AUTS2: variants seen among roughly 807,000 people sequenced by gnomAD.
The protein encoded by AUTS2 is autism susceptibility gene 2 protein.
In AUTS2, 17 loss-of-function variants were observed where a neutral mutation model predicts 112.4. The ratio of observed to expected loss-of-function variants is 0.15; its 90% CI spans 0.10 to 0.23. The LOEUF (loss-of-function observed/expected upper bound fraction) is 0.23. Ranked by LOEUF, AUTS2 falls within the 10% of genes least tolerant of loss-of-function variation. AUTS2 has a pLI of 1.00. For missense variants in AUTS2, 1,510 were observed against 1,701.6 expected, an observed-to-expected ratio of 0.89 and a Z score of 1.98; for synonymous variants, 751 against 702.7, an observed-to-expected ratio of 1.07 and a Z score of -1.09.
intron 2 of AUTS2, among the ~76,000 whole-genome samples, chr7:70,011,314 T>TCTC (rs1554427051): frequency 9.1e-6 from 1 of 110,492 alleles, no homozygotes; most frequent in African/African-American, 3.6e-5. Flanking sequence ...TCTCCTTTCC[T>TCTC]CTCTCCTCTC....
At chr7:69,715,774 C>T (rs966394350) in intron 1 of AUTS2, among the ~76,000 whole-genome samples, 8 of 152,188 alleles carry the variant, frequency 5.3e-5, no homozygotes, top group Admixed American at 5.2e-4. Flanking sequence ...CTTTCATAAG[C>T]TAGTGGAGTT....
chr7:70,605,838 G>T (rs1172914843), intron 5 of AUTS2, among the ~76,000 whole-genome samples: 22 of 152,164 alleles, frequency 1.4e-4, no homozygotes, highest in Non-Finnish European at 4.4e-5. Flanking sequence ...GATTTTATTA[G>T]AAAGAGAAAT....
intron 6 of AUTS2, among the ~76,000 whole-genome samples, chr7:70,755,048 T>C (rs1789107588): frequency 6.6e-6 from 1 of 152,210 alleles, no homozygotes; most frequent in Non-Finnish European, 1.5e-5. Context: ...TTCATCAATA[T>C]TCACCCTTTC....
intron 1 of AUTS2, among the ~76,000 whole-genome samples, chr7:69,867,156 TGTGAGCCAGCTTAG>T (rs1793272984): frequency 6.6e-6 from 1 of 151,960 alleles, no homozygotes. Context: ...TCTGCTTTGT[TGTGAGCCAGCTTAG>T]GTGGTCTTTT....
At chr7:70,650,608 A>G (rs1563102503) in intron 5 of AUTS2, among the ~76,000 whole-genome samples, 1 of 152,210 alleles carries the variant, frequency 6.6e-6, no homozygotes, top group Non-Finnish European at 1.5e-5. Flanking sequence ...TTACTTTCAA[A>G]TGTGTGAAGT....
chr7:70,651,140 C>T (rs57349810), intron 5 of AUTS2, among the ~76,000 whole-genome samples: 4,603 of 152,280 alleles, frequency 0.03, 142 homozygotes, highest in South Asian at 0.086. Context: ...TTATTTCATC[C>T]TCACAAAAGC....
intron 4 of AUTS2, among the ~76,000 whole-genome samples, chr7:70,262,173 T>C (rs994692177): frequency 6.6e-6 from 1 of 152,206 alleles, no homozygotes; most frequent in Non-Finnish European, 1.5e-5. Context: ...ATTTTAGTTT[T>C]TTAAATGTAT....
chr7:70,178,486 A>G (rs1044007675), intron 4 of AUTS2, among the ~76,000 whole-genome samples: 8 of 152,088 alleles, frequency 5.3e-5, no homozygotes, highest in Non-Finnish European at 1.2e-4. Context: ...ATATTATTAA[A>G]GATACAGAAT....
intron 2 of AUTS2, among the ~76,000 whole-genome samples, chr7:70,043,593 CT>C (rs1801354620): frequency 1.3e-5 from 1 of 74,900 alleles, no homozygotes; most frequent in Non-Finnish European, 2.8e-5. Flanking sequence ...TCCTTCCTTC[CT>C]TCCTTCCTTC....
intron 1 of AUTS2, among the ~76,000 whole-genome samples, chr7:69,780,426 G>A (rs1175690837): frequency 6.6e-6 from 1 of 152,160 alleles, no homozygotes; most frequent in East Asian, 1.9e-4. Context: ...GATGTACAGA[G>A]AAAAGGCTGT....
intron 4 of AUTS2, among the ~76,000 whole-genome samples, chr7:70,227,615 C>T (rs1378923508): frequency 1.3e-5 from 2 of 152,058 alleles, no homozygotes; most frequent in Non-Finnish European, 2.9e-5. Context: ...TAGCTGAAGT[C>T]ATGAAAATTT....
intron 1 of AUTS2, among the ~76,000 whole-genome samples, chr7:69,651,272 G>C (rs1020255943): frequency 8.5e-5 from 13 of 152,136 alleles, no homozygotes; most frequent in African/African-American, 3.1e-4. Context: ...CTGATAACCA[G>C]TGTTTTTTTT....
intron 4 of AUTS2, among the ~76,000 whole-genome samples, chr7:70,156,069 A>G (rs1441774237): frequency 2.0e-5 from 3 of 152,072 alleles, no homozygotes; most frequent in Non-Finnish European, 4.4e-5. Context: ...CTCCATCCAT[A>G]ACTTCATCTA....
chr7:70,125,424 A>C (rs771590014), intron 3 of AUTS2, among the ~76,000 whole-genome samples: 1 of 152,178 alleles, frequency 6.6e-6, no homozygotes, highest in African/African-American at 2.4e-5. Context: ...AGATTGTGGG[A>C]AAACAAACTA....
intron 6 of AUTS2, among the ~76,000 whole-genome samples, chr7:70,703,979 A>G (rs946781136): frequency 2.0e-5 from 3 of 152,186 alleles, no homozygotes; most frequent in Admixed American, 6.5e-5. Context: ...ATAGCATGCA[A>G]TCAGCTCCTT....
At chr7:70,064,207 T>A (rs954189332) in intron 2 of AUTS2, among the ~76,000 whole-genome samples, 2 of 152,162 alleles carry the variant, frequency 1.3e-5, no homozygotes, top group African/African-American at 2.4e-5. Context: ...CCATGCTGAT[T>A]TAGTGCTAAC....
intron 5 of AUTS2, among the ~76,000 whole-genome samples, chr7:70,545,443 G>T (rs1438846167): frequency 6.6e-6 from 1 of 152,210 alleles, no homozygotes; most frequent in Non-Finnish European, 1.5e-5. Flanking sequence ...CCCATATAAA[G>T]TGAATACTTC....
intron 1 of AUTS2, among the ~76,000 whole-genome samples, chr7:69,604,485 A>C (rs140236450): frequency 3.9e-5 from 6 of 152,234 alleles, no homozygotes; most frequent in African/African-American, 1.4e-4. Flanking sequence ...TGAATGCCTG[A>C]TATCAACTAA....
chr7:69,633,390 T>G (rs1468945217), intron 1 of AUTS2, among the ~76,000 whole-genome samples: 1 of 152,182 alleles, frequency 6.6e-6, no homozygotes, highest in Non-Finnish European at 1.5e-5. Context: ...ATCTTATGAA[T>G]AATCCTTCAG....
Sources: allele counts gnomAD v4.1 joint callset (sites outside exome capture counted in the v4.1 genomes callset), GRCh38; gene constraint gnomAD v4.1.1; transcripts MANE v1.5; gene names NCBI Gene and HGNC (gene_info 2026-07-23, HGNC 2026-07-21).